ARHGAP35: variants seen among roughly 807,000 people sequenced by gnomAD.
ARHGAP35 encodes the protein Rho GTPase activating protein 35, also known as rho GTPase-activating protein 35.
Under a neutral mutation model 111.1 loss-of-function variants are expected in ARHGAP35, and 15 were observed. That is an observed-to-expected ratio of 0.13 (90% CI 0.09 to 0.21). The LOEUF is 0.21. ARHGAP35 is among the 10% of genes least tolerant of loss of function. The pLI is 1.00. For missense variants in ARHGAP35, 1,262 were observed against 1,873.0 expected (o/e 0.67, Z 6.02); for synonymous variants, 643 against 710.3 (o/e 0.91, Z 1.51).
chr19:46,989,474 G>T lies in ARHGAP35; in HGVS notation c.3905-70G>T. 1 of 1,584,280 alleles carries T rather than the reference G, an allele frequency of 6.3e-7. No individual in the cohort carries two copies. ...TTGAGGTTTCTCTAGCCTCTCCTGA[G>T]CCCCGAGTTGTCCTGATGCTTCTGC... On this transcript the variant is annotated intron_variant, in intron 4 of 6. Coordinates refer to ENST00000672722, the MANE Select transcript of ARHGAP35 (RefSeq NM_004491.5). The surrounding 1 kb of genome is among the most constrained non-coding windows in gnomAD (Gnocchi z 5.3).
intron 1 of ARHGAP35, among the ~76,000 whole-genome samples, chr19:46,904,043 T>C (rs2122171245): frequency 6.6e-6 from 1 of 152,274 alleles, no homozygotes; most frequent in East Asian, 1.9e-4. Flanking sequence ...TGGCTGGATG[T>C]CATTCTTTTT....
intron 1 of ARHGAP35, among the ~76,000 whole-genome samples, chr19:46,905,557 C>G (rs1439060214): frequency 1.5e-5 from 2 of 133,688 alleles, no homozygotes; most frequent in Non-Finnish European, 3.2e-5. Flanking sequence ...TGTATTCCAC[C>G]CCCCCCCCCC....
At chr19:46,865,236 T>C (rs913894045) in intron 1 of ARHGAP35, among the ~76,000 whole-genome samples, 1 of 152,240 alleles carries the variant, frequency 6.6e-6, no homozygotes, top group Admixed American at 6.5e-5. Flanking sequence ...GGTAGACAAC[T>C]GCTTTCAAGG....
intron 1 of ARHGAP35, among the ~76,000 whole-genome samples, chr19:46,913,477 C>G (rs1448376058): frequency 6.6e-6 from 1 of 152,134 alleles, no homozygotes; most frequent in Non-Finnish European, 1.5e-5. Context: ...CACCCTCCTT[C>G]TACCTTCCAG....
At chr19:46,950,469 G>T (rs1193675428) in intron 3 of ARHGAP35, among the ~76,000 whole-genome samples, 3 of 152,230 alleles carry the variant, frequency 2.0e-5, no homozygotes, top group Non-Finnish European at 2.9e-5. Flanking sequence ...GAATAATTCA[G>T]TTTAGCATGT....
intron 1 of ARHGAP35, among the ~76,000 whole-genome samples, chr19:46,867,210 G>A (rs1428351908): frequency 6.6e-6 from 1 of 152,178 alleles, no homozygotes; most frequent in East Asian, 1.9e-4. Flanking sequence ...GTTGAAAATA[G>A]CCAGACTTGC....
chr19:46,889,062 TA>T (rs2056010651), intron 1 of ARHGAP35, among the ~76,000 whole-genome samples: 1 of 152,090 alleles, frequency 6.6e-6, no homozygotes, highest in Non-Finnish European at 1.5e-5. Context: ...CTCACACCTG[TA>T]ACCCCTGCAC....
intron 1 of ARHGAP35, among the ~76,000 whole-genome samples, chr19:46,883,380 C>T (rs998702442): frequency 2.6e-5 from 4 of 151,978 alleles, no homozygotes; most frequent in Admixed American, 6.6e-5. Context: ...GGATTACAGG[C>T]GTGAGCCACT....
At chr19:46,946,231 C>A (rs2056378588) in intron 3 of ARHGAP35, among the ~76,000 whole-genome samples, 1 of 152,218 alleles carries the variant, frequency 6.6e-6, no homozygotes. Context: ...GGCACTCCGT[C>A]ATATATGATC....
chr19:46,963,065 T>G (rs1317415786), intron 3 of ARHGAP35, among the ~76,000 whole-genome samples: 3 of 152,178 alleles, frequency 2.0e-5, no homozygotes, highest in African/African-American at 7.2e-5. Flanking sequence ...AGATTTCTGT[T>G]TCATTCTTCC....
rs1312967100 is a variant in ARHGAP35 at position 46,919,564 on chromosome 19, C to G, written c.889C>G (p.Arg297Gly). The G allele has an allele frequency of 4.3e-6, 7 of 1,613,794 alleles. No individual in the cohort carries two copies. In the Admixed American group the frequency reaches 6.7e-5, roughly 15 times the overall value. Residue 297 changes from arginine to glycine, a missense_variant, in exon 2 of 7, where the codon CGA (arginine) becomes GGA (glycine). By Grantham distance (125) the Arg-to-Gly change is moderately radical (BLOSUM62 -2). Coordinates refer to ENST00000672722, the MANE Select transcript of ARHGAP35 (RefSeq NM_004491.5). The surrounding 1 kb of genome is among the most constrained non-coding windows in gnomAD (Gnocchi z 6.2). ...NHNENWLSVSRKMQASPEYQD... is the reference protein window; with the variant it reads ...NHNENWLSVSGKMQASPEYQD... ...CAATGAGAACTGGCTGAGTGTCAGC[C>G]GAAAGATGCAGGCCTCTCCAGAATA...
rs919561486 is a variant in ARHGAP35 at position 46,945,803 on chromosome 19, T to C, written c.3826+8395T>C. Reference sequence around the variant, plus strand: ...GAATAATATGTGAGGCCAGACTTCGTTCCCTGTTTCTGTGATTTTTAACCT... The same window carrying C: ...GAATAATATGTGAGGCCAGACTTCGCTCCCTGTTTCTGTGATTTTTAACCT... On this transcript the variant is annotated intron_variant, in intron 3 of 6. Transcript: ENST00000672722. This position sits in a 1 kb window ranked among gnomAD's most constrained non-coding sequence, Gnocchi z 4.1. Among the ~76,000 whole-genome samples the C allele has an allele frequency of 6.6e-6, 1 of 152,222 alleles. No individual in the cohort carries two copies. The highest frequency in any genetic ancestry group is 1.5e-5 in the Non-Finnish European group (1 of 68,038).
chr19:46,984,613 C>G (rs1009256930), intron 3 of ARHGAP35, among the ~76,000 whole-genome samples: 6 of 152,144 alleles, frequency 3.9e-5, no homozygotes, highest in African/African-American at 1.4e-4. Flanking sequence ...TAAATTACGC[C>G]GTGGTATTGT....
chr19:46,968,197 GGAA>G (rs1163017427), intron 3 of ARHGAP35, among the ~76,000 whole-genome samples: 3 of 152,356 alleles, frequency 2.0e-5, no homozygotes, highest in South Asian at 4.1e-4. Flanking sequence ...AAAGGGAGGA[GGAA>G]GAAGATTCAT....
chr19:46,887,962 T>C (rs1361171349), intron 1 of ARHGAP35, among the ~76,000 whole-genome samples: 2 of 151,280 alleles, frequency 1.3e-5, no homozygotes, highest in African/African-American at 4.9e-5. Context: ...CCTTTTTTTT[T>C]TTTTTCTGAG....
intron 1 of ARHGAP35, among the ~76,000 whole-genome samples, chr19:46,869,904 T>C (rs1434896039): frequency 6.6e-6 from 1 of 151,892 alleles, no homozygotes; most frequent in Non-Finnish European, 1.5e-5. Flanking sequence ...GGATGCTGCT[T>C]TTATGGTAAC....
chr19:46,933,454 C>T (rs981406946), intron 2 of ARHGAP35, among the ~76,000 whole-genome samples: 1 of 151,980 alleles, frequency 6.6e-6, no homozygotes, highest in African/African-American at 2.4e-5. Flanking sequence ...AGCTAGTGTG[C>T]TTTTATTCAC....
Position 46,989,802 on chromosome 19 carries a change from A to G in ARHGAP35, c.4036+127A>G. Reference sequence around the variant, plus strand: ...AGGTTTGAAGGACAGAGGGCAAGGGAATTAACCAGATGACAGCAATGGGAC... The same window carrying G: ...AGGTTTGAAGGACAGAGGGCAAGGGGATTAACCAGATGACAGCAATGGGAC... On this transcript the variant is annotated intron_variant, in intron 5 of 6. Coordinates refer to ENST00000672722, the MANE Select transcript of ARHGAP35 (RefSeq NM_004491.5). This position sits in a 1 kb window ranked among gnomAD's most constrained non-coding sequence, Gnocchi z 5.3. The G allele has an allele frequency of 6.8e-7, 1 of 1,461,192 alleles. No homozygotes were observed. Among genetic ancestry groups the G allele is most frequent in the Non-Finnish European group, 9.3e-7 (1 of 1,075,028 alleles). The allele number at this position is 1,461,192 out of a possible 1,614,324, so 90.5% of individuals were successfully genotyped here.
intron 3 of ARHGAP35, 71 bp from the exon 4 acceptor site, chr19:46,987,918 C>T (rs2056659753): frequency 6.7e-7 from 1 of 1,493,264 alleles, no homozygotes; most frequent in Non-Finnish European, 9.2e-7. Context: ...TTCTCCTTGT[C>T]TTCGAGCCCA....
Sources: allele counts gnomAD v4.1 joint callset (sites outside exome capture counted in the v4.1 genomes callset), GRCh38; gene constraint gnomAD v4.1.1; non-coding constraint Gnocchi (gnomAD v3.1); transcripts MANE v1.5; gene names NCBI Gene and HGNC (gene_info 2026-07-23, HGNC 2026-07-21).